EXOC6B: variants seen among roughly 807,000 people sequenced by gnomAD.
The protein encoded by EXOC6B is exocyst complex component 6B.
EXOC6B carries 54 observed loss-of-function variants against 113.5 expected under a neutral mutation model. The ratio of observed to expected loss-of-function variants is 0.48; its 90% confidence interval spans 0.38 to 0.60. The LOEUF is 0.60. Among genes scored for constraint, EXOC6B ranks in the 20% least tolerant of loss-of-function variants. The pLI is 0.00. For missense variants in EXOC6B, 797 were observed against 977.5 expected (o/e 0.82, Z 2.46); for synonymous variants, 357 against 339.0 (o/e 1.05, Z -0.58).
chr2:72,450,981 G>C (rs1010098255), intron 18 of EXOC6B, among the ~76,000 whole-genome samples: 1 of 152,150 alleles, frequency 6.6e-6, no homozygotes, highest in African/African-American at 2.4e-5. Context: ...GAAGGGAAGG[G>C]AAACCCTAAG....
chr2:72,626,410 G>T (rs150833278), intron 6 of EXOC6B, among the ~76,000 whole-genome samples: 100 of 152,178 alleles, frequency 6.6e-4, no homozygotes, highest in African/African-American at 2.3e-3. Context: ...AAAGATGTTA[G>T]GTTCTAATTT....
intron 20 of EXOC6B, among the ~76,000 whole-genome samples, chr2:72,273,505 G>C (rs1323605339): frequency 6.6e-6 from 1 of 152,144 alleles, no homozygotes; most frequent in Non-Finnish European, 1.5e-5. Context: ...TGTTCAAGAA[G>C]TATAGAGGGT....
At chr2:72,665,748 TA>T (rs1290244125) in intron 6 of EXOC6B, among the ~76,000 whole-genome samples, 1 of 152,118 alleles carries the variant, frequency 6.6e-6, no homozygotes, top group Non-Finnish European at 1.5e-5. Context: ...AAAACACACC[TA>T]AATACGTAGC....
intron 18 of EXOC6B, among the ~76,000 whole-genome samples, chr2:72,407,910 A>G (rs1416305630): frequency 6.6e-6 from 1 of 152,202 alleles, no homozygotes; most frequent in Non-Finnish European, 1.5e-5. Flanking sequence ...AATGAGGAAA[A>G]GAGGAAGTCA....
chr2:72,537,715 G>A (rs1702380032), intron 8 of EXOC6B, among the ~76,000 whole-genome samples: 1 of 152,156 alleles, frequency 6.6e-6, no homozygotes, highest in Non-Finnish European at 1.5e-5. Context: ...GGAGATATAA[G>A]CACGAAGATT....
At chr2:72,563,318 C>T (rs918050975) in intron 7 of EXOC6B, among the ~76,000 whole-genome samples, 4 of 152,198 alleles carry the variant, frequency 2.6e-5, no homozygotes, top group African/African-American at 4.8e-5. Flanking sequence ...CTGGCATCCA[C>T]GTTTGGTATC....
At chr2:72,333,578 T>G (rs1688525133) in intron 20 of EXOC6B, among the ~76,000 whole-genome samples, 1 of 152,114 alleles carries the variant, frequency 6.6e-6, no homozygotes, top group African/African-American at 2.4e-5. Context: ...GTCAAGGGAT[T>G]AAAACCTGAA....
At chr2:72,442,024 C>T (rs1469162674) in intron 18 of EXOC6B, among the ~76,000 whole-genome samples, 5 of 152,138 alleles carry the variant, frequency 3.3e-5, no homozygotes, top group East Asian at 1.9e-4. Flanking sequence ...CAAATCAAAT[C>T]GAGCAGCGCA....
At chr2:72,717,455 A>G (rs1679692033) in intron 6 of EXOC6B, among the ~76,000 whole-genome samples, 1 of 152,174 alleles carries the variant, frequency 6.6e-6, no homozygotes, top group Admixed American at 6.5e-5. Context: ...CAATGTGACA[A>G]ATTTCAAGTG....
chr2:72,391,365 C>A (rs914445485), intron 18 of EXOC6B, among the ~76,000 whole-genome samples: 2 of 152,042 alleles, frequency 1.3e-5, no homozygotes, highest in African/African-American at 2.4e-5. Context: ...TTATACATTT[C>A]ATTCTGTTGT....
intron 20 of EXOC6B, among the ~76,000 whole-genome samples, chr2:72,314,312 A>G (rs1195655378): frequency 6.6e-6 from 1 of 152,150 alleles, no homozygotes; most frequent in African/African-American, 2.4e-5. Context: ...ATAAGAGGCT[A>G]CCCTGAACAA....
intron 1 of EXOC6B, among the ~76,000 whole-genome samples, chr2:72,778,286 A>G (rs1179669644): frequency 6.6e-6 from 1 of 152,198 alleles, no homozygotes; most frequent in Non-Finnish European, 1.5e-5. Flanking sequence ...TGGAAGTGAA[A>G]GGATGGAAAA....
chr2:72,452,129 T>C (rs1200692254), intron 18 of EXOC6B, among the ~76,000 whole-genome samples: 1 of 152,186 alleles, frequency 6.6e-6, no homozygotes, highest in Non-Finnish European at 1.5e-5. Flanking sequence ...ACTTGGATTA[T>C]TACCTTTACA....
At chr2:72,299,600 T>G (rs1475127265) in intron 20 of EXOC6B, among the ~76,000 whole-genome samples, 1 of 152,124 alleles carries the variant, frequency 6.6e-6, no homozygotes, top group African/African-American at 2.4e-5. Context: ...TTGTGATCCT[T>G]TGGAGGAGAA....
At chr2:72,409,417 T>C (rs568235809) in intron 18 of EXOC6B, among the ~76,000 whole-genome samples, 1 of 152,276 alleles carries the variant, frequency 6.6e-6, no homozygotes, top group Admixed American at 6.5e-5. Context: ...CACATGCCCA[T>C]GTATGTTTAT....
chr2:72,692,795 C>A (rs1245938958), intron 6 of EXOC6B, among the ~76,000 whole-genome samples: 2 of 152,190 alleles, frequency 1.3e-5, no homozygotes, highest in African/African-American at 4.8e-5. Context: ...AATCCAGCTG[C>A]ATATTTCTCT....
chr2:72,180,573 C>T (rs1678014558), intron 21 of EXOC6B, among the ~76,000 whole-genome samples: 1 of 152,176 alleles, frequency 6.6e-6, no homozygotes, highest in East Asian at 1.9e-4. Context: ...GTTGGGCCAG[C>T]CCTCTGACTT....
chr2:72,715,883 A>C (rs1314343664), intron 6 of EXOC6B, among the ~76,000 whole-genome samples: 1 of 152,102 alleles, frequency 6.6e-6, no homozygotes, highest in Non-Finnish European at 1.5e-5. Flanking sequence ...AAATGGATGT[A>C]GTGACTACAT....
At chr2:72,816,355 T>C (rs1305310963) in intron 1 of EXOC6B, among the ~76,000 whole-genome samples, 1 of 152,186 alleles carries the variant, frequency 6.6e-6, no homozygotes, top group Admixed American at 6.5e-5. Context: ...GGAAAACCTC[T>C]ATATACTGAT....
Sources: allele counts gnomAD v4.1 joint callset (sites outside exome capture counted in the v4.1 genomes callset), GRCh38; gene constraint gnomAD v4.1.1; transcripts MANE v1.5; gene names NCBI Gene and HGNC (gene_info 2026-07-23, HGNC 2026-07-21).